CACNA2D1: variants seen among roughly 807,000 people sequenced by gnomAD.
CACNA2D1 encodes calcium voltage-gated channel auxiliary subunit alpha2delta 1, also known as voltage-dependent calcium channel subunit alpha-2/delta-1.
In CACNA2D1, 53 loss-of-function variants were observed where a neutral mutation model predicts 171.5. That is an observed-to-expected ratio of 0.31 (90% CI 0.25 to 0.39). CACNA2D1 has a LOEUF of 0.39. Among genes scored for constraint, CACNA2D1 ranks in the 10% least tolerant of loss-of-function variants. CACNA2D1 has a pLI of 1.00. For missense variants in CACNA2D1, 903 were observed against 1,299.8 expected (o/e 0.69, Z 4.69); for synonymous variants, 442 against 443.1 (o/e 1.00, Z 0.03).
At chr7:82,232,861 CAAAAAAAAAAAAAAAA>C (rs71093370) in intron 3 of CACNA2D1, among the ~76,000 whole-genome samples, 1 of 52,412 alleles carries the variant, frequency 1.9e-5, no homozygotes, top group Admixed American at 3.8e-4. Context: ...GAGATGTCTC[CAAAAAAAAAAAAAAAA>C]AAAAAAAAAA....
intron 3 of CACNA2D1, among the ~76,000 whole-genome samples, chr7:82,250,546 T>C (rs1389426442): frequency 2.0e-5 from 3 of 152,210 alleles, no homozygotes; most frequent in Admixed American, 6.5e-5. Context: ...AATTATCTTT[T>C]CTCTGAGGAG....
chr7:82,235,861 C>T (rs1221587790), intron 3 of CACNA2D1, among the ~76,000 whole-genome samples: 1 of 152,030 alleles, frequency 6.6e-6, no homozygotes, highest in African/African-American at 2.4e-5. Flanking sequence ...TAAAATGTTA[C>T]AGTGTATGAA....
At position 82,349,667 on chromosome 7, in the gene CACNA2D1, G is replaced by A; in HGVS notation, c.96-18C>T. 1 of 1,581,812 alleles carries A rather than the reference G, an allele frequency of 6.3e-7. No individual in the cohort carries two copies. Among genetic ancestry groups the A allele is most frequent in the South Asian group, 1.1e-5 (1 of 90,364 alleles). The stretch of plus-strand genomic sequence containing the variant: ...ATTTGATACTGCAGAAATCAGAAAA[G>A]ATTATGTTCTATCAGATCTCTGGCA... On this transcript the variant is annotated intron_variant, in intron 1 of 38. Transcript: ENST00000356860.
intron 3 of CACNA2D1, among the ~76,000 whole-genome samples, chr7:82,320,693 G>A (rs1016563031): frequency 1.3e-5 from 2 of 151,546 alleles, no homozygotes; most frequent in African/African-American, 4.9e-5. Flanking sequence ...GAGATTACAG[G>A]AGTGAGCCAC....
intron 32 of CACNA2D1, among the ~76,000 whole-genome samples, chr7:81,964,892 C>CT (rs111383047): frequency 2.6e-5 from 4 of 151,628 alleles, no homozygotes; most frequent in Middle Eastern, 3.4e-3. Context: ...CAAATCAAAG[C>CT]TTTTTTTTGT....
chr7:82,419,745 A>T (rs948820031), intron 1 of CACNA2D1, among the ~76,000 whole-genome samples: 1 of 152,252 alleles, frequency 6.6e-6, no homozygotes, highest in African/African-American at 2.4e-5. Context: ...CATCAGGATT[A>T]TGAGAATCAG....
intron 12 of CACNA2D1, among the ~76,000 whole-genome samples, chr7:82,016,571 T>C (rs1203815528): frequency 6.6e-6 from 1 of 150,486 alleles, no homozygotes; most frequent in Non-Finnish European, 1.5e-5. Flanking sequence ...ATTTGACTGA[T>C]GTTATCATTC....
intron 6 of CACNA2D1, among the ~76,000 whole-genome samples, chr7:82,091,581 T>C (rs192964578): frequency 6.6e-6 from 1 of 152,316 alleles, no homozygotes; most frequent in East Asian, 1.9e-4. Context: ...GCAAGGGGAA[T>C]AGAAGACACT....
chr7:82,276,862 C>T (rs1563297378), intron 3 of CACNA2D1, among the ~76,000 whole-genome samples: 1 of 151,664 alleles, frequency 6.6e-6, no homozygotes, highest in Admixed American at 6.6e-5. Flanking sequence ...GATTCTCCTG[C>T]CTCAGCCTCC....
chr7:82,082,353 C>T (rs1563017835), intron 7 of CACNA2D1, among the ~76,000 whole-genome samples: 1 of 152,040 alleles, frequency 6.6e-6, no homozygotes, highest in Non-Finnish European at 1.5e-5. Context: ...TGAGAAAGCT[C>T]TTAGAGCAGA....
intron 7 of CACNA2D1, among the ~76,000 whole-genome samples, chr7:82,077,244 T>C (rs1160385925): frequency 2.6e-5 from 4 of 152,200 alleles, no homozygotes; most frequent in Non-Finnish European, 4.4e-5. Flanking sequence ...TTTTCTTACT[T>C]AGTACAGCCC....
chr7:82,097,508 G>T (rs1410351747), intron 6 of CACNA2D1, among the ~76,000 whole-genome samples: 1 of 152,100 alleles, frequency 6.6e-6, no homozygotes, highest in African/African-American at 2.4e-5. Context: ...TGGGAAAGGA[G>T]AAAACAGGAA....
chr7:82,382,952 C>A (rs968648433), intron 1 of CACNA2D1, among the ~76,000 whole-genome samples: 1 of 152,120 alleles, frequency 6.6e-6, no homozygotes, highest in Non-Finnish European at 1.5e-5. Context: ...AAGTTTCTCA[C>A]TAAGGTTTGA....
intron 3 of CACNA2D1, among the ~76,000 whole-genome samples, chr7:82,317,216 CTT>C (rs1279814893): frequency 6.6e-6 from 1 of 152,112 alleles, no homozygotes; most frequent in Non-Finnish European, 1.5e-5. Context: ...ACATTATTTT[CTT>C]TTTAAAATGC....
At chr7:82,333,309 A>C (rs59626545) in intron 3 of CACNA2D1, among the ~76,000 whole-genome samples, 16,198 of 152,162 alleles carry the variant, frequency 0.11, 1,186 homozygotes, top group African/African-American at 0.2. Context: ...CTGAAGAAGA[A>C]TATAGTGAGG....
Position 81,977,589 on chromosome 7 carries a change from C to T in CACNA2D1, c.1956-3037G>A, listed in dbSNP as rs1047814314. 5.9e-5 allele frequency among the ~76,000 whole-genome samples: 9 copies of T among 152,176 alleles called. No individual in the cohort carries two copies. In the South Asian group the frequency reaches 1.5e-3, roughly 25 times the overall value. ...TGCCTACACCTTATACAAAAATTAACTCAAGTGGATTAAAGACTTAAATGT... is the reference window on the plus strand; with the variant it reads ...TGCCTACACCTTATACAAAAATTAATTCAAGTGGATTAAAGACTTAAATGT... On this transcript the variant is annotated intron_variant, in intron 24 of 38. Transcript: ENST00000356860.
intron 32 of CACNA2D1, among the ~76,000 whole-genome samples, chr7:81,964,674 A>T (rs1384580091): frequency 6.6e-6 from 1 of 151,902 alleles, no homozygotes; most frequent in Non-Finnish European, 1.5e-5. Flanking sequence ...GAGAGGTATA[A>T]GTGGAAGGGT....
At chr7:82,089,141 C>A (rs1411959007) in intron 6 of CACNA2D1, among the ~76,000 whole-genome samples, 1 of 152,130 alleles carries the variant, frequency 6.6e-6, no homozygotes, top group Non-Finnish European at 1.5e-5. Flanking sequence ...TTGACAGTTG[C>A]CCTCTTTTTC....
intron 12 of CACNA2D1, among the ~76,000 whole-genome samples, chr7:82,015,847 C>T (rs1165911785): frequency 6.6e-6 from 1 of 152,172 alleles, no homozygotes; most frequent in Admixed American, 6.6e-5. Flanking sequence ...CTTGGCCACA[C>T]AGATCACATT....
Sources: gnomAD v4.1 joint callset for allele counts (sites outside exome capture counted in the v4.1 genomes callset) on GRCh38, gnomAD v4.1.1 for gene constraint, MANE v1.5 for transcripts, NCBI Gene and HGNC (gene_info 2026-07-23, HGNC 2026-07-21) for gene names.